CALD1: variants seen among roughly 807,000 people sequenced by gnomAD.
CALD1 encodes the protein caldesmon.
Under a neutral mutation model 99.9 loss-of-function variants are expected in CALD1, and 33 were observed. The ratio of observed to expected loss-of-function variants is 0.33; its 90% CI spans 0.25 to 0.44. The LOEUF is 0.44. CALD1 is among the 20% of genes least tolerant of loss of function. CALD1 has a pLI of 1.00. For missense variants in CALD1, 861 were observed against 962.1 expected, an observed-to-expected ratio of 0.89 and a Z score of 1.39; for synonymous variants, 310 against 325.0, an observed-to-expected ratio of 0.95 and a Z score of 0.50.
At chr7:134,760,533 C>T (rs1234748913) in intron 1 of CALD1, among the ~76,000 whole-genome samples, 1 of 152,152 alleles carries the variant, frequency 6.6e-6, no homozygotes, top group Non-Finnish European at 1.5e-5. Context: ...ATTACAGTAT[C>T]TCTCTTGAGT....
intron 3 of CALD1, chr7:134,891,780 G>C: frequency 1.2e-6 from 1 of 803,460 alleles, no homozygotes; most frequent in Non-Finnish European, 1.9e-6. Flanking sequence ...GTGGGAGTGG[G>C]AGGGGAGAGG....
chr7:134,735,562 C>CTT, the CALD1 span, among the ~76,000 whole-genome samples: 11 of 140,000 alleles, frequency 7.9e-5, no homozygotes, highest in African/African-American at 3.1e-4. Context: ...TCCCCACTAC[C>CTT]CTCTGTGTGT....
chr7:134,888,124 T>C (rs749548651), intron 3 of CALD1, among the ~76,000 whole-genome samples: 3 of 152,236 alleles, frequency 2.0e-5, no homozygotes, highest in Non-Finnish European at 2.9e-5. Context: ...TCCTTTCTAT[T>C]ACAGTCTGAC....
intron 6 of CALD1, among the ~76,000 whole-genome samples, chr7:134,940,823 T>C (rs1246206551): frequency 1.3e-5 from 2 of 152,188 alleles, no homozygotes; most frequent in African/African-American, 2.4e-5. Context: ...CAAACAATAG[T>C]ACTACCACTG....
chr7:134,878,957 A>G (rs894711525), intron 3 of CALD1, among the ~76,000 whole-genome samples: 6 of 152,128 alleles, frequency 3.9e-5, no homozygotes, highest in Non-Finnish European at 5.9e-5. Flanking sequence ...CCTGGACAAC[A>G]GAGGGAGACC....
At chr7:134,850,829 G>C (rs1295024983) in intron 2 of CALD1, among the ~76,000 whole-genome samples, 1 of 152,146 alleles carries the variant, frequency 6.6e-6, no homozygotes, top group Non-Finnish European at 1.5e-5. Flanking sequence ...GGGACCAGGT[G>C]GGAAGTAATT....
At chr7:134,847,605 AG>A (rs1204688422) in intron 2 of CALD1, among the ~76,000 whole-genome samples, 6 of 152,186 alleles carry the variant, frequency 3.9e-5, no homozygotes, top group Non-Finnish European at 5.9e-5. Flanking sequence ...AAACCTCCAT[AG>A]TAAAGAGGGT....
At chr7:134,774,453 C>G (rs529117006) in intron 1 of CALD1, among the ~76,000 whole-genome samples, 1 of 152,276 alleles carries the variant, frequency 6.6e-6, no homozygotes, top group Non-Finnish European at 1.5e-5. Flanking sequence ...CAGCCTCTTC[C>G]CTGTTCACTG....
At chr7:134,832,956 T>C (rs1799290278) in intron 1 of CALD1, among the ~76,000 whole-genome samples, 1 of 152,228 alleles carries the variant, frequency 6.6e-6, no homozygotes, top group African/African-American at 2.4e-5. Context: ...GTGCCAGATA[T>C]ATAAGAATTA....
chr7:134,904,289 A>C (rs184173226), intron 3 of CALD1, among the ~76,000 whole-genome samples: 265 of 152,162 alleles, frequency 1.7e-3, no homozygotes, highest in Non-Finnish European at 2.9e-3. Flanking sequence ...ATACATTTAA[A>C]ATGCCAGCTG....
chr7:134,726,264 T>A, the CALD1 span, among the ~76,000 whole-genome samples: 8 of 149,582 alleles, frequency 5.3e-5, no homozygotes, highest in Non-Finnish European at 1.0e-4. Flanking sequence ...ACTCAGATAA[T>A]ACAATTAGCA....
chr7:134,737,513 T>G, the CALD1 span, among the ~76,000 whole-genome samples: 1 of 152,334 alleles, frequency 6.6e-6, no homozygotes, highest in African/African-American at 2.4e-5. Context: ...TGCCTTTTTT[T>G]GGTCATGGTA....
At chr7:134,965,852 AT>A (rs879762062) in intron 14 of CALD1, among the ~76,000 whole-genome samples, 37,294 of 149,220 alleles carry the variant, frequency 0.25, 4,516 homozygotes, top group Non-Finnish European at 0.29. Context: ...AAAAAAAAAA[AT>A]ATTCAAAAGT....
At chr7:134,735,553 C>T in the CALD1 span, among the ~76,000 whole-genome samples, 66 of 147,998 alleles carry the variant, frequency 4.5e-4, no homozygotes, top group African/African-American at 1.6e-3. Context: ...TTCTTTCCCT[C>T]CCCACTACCC....
intron 2 of CALD1, among the ~76,000 whole-genome samples, chr7:134,846,353 G>C (rs1799852743): frequency 6.6e-6 from 1 of 152,146 alleles, no homozygotes; most frequent in South Asian, 2.1e-4. Flanking sequence ...CCCAGAATAA[G>C]CTTTGGCAGT....
intron 3 of CALD1, among the ~76,000 whole-genome samples, chr7:134,919,635 A>G (rs1466055471): frequency 6.6e-6 from 1 of 152,134 alleles, no homozygotes; most frequent in Non-Finnish European, 1.5e-5. Flanking sequence ...GTATGGGGAG[A>G]TGGGGTGGGA....
chr7:134,931,041 T>A (rs556948528), intron 4 of CALD1, among the ~76,000 whole-genome samples: 1 of 152,220 alleles, frequency 6.6e-6, no homozygotes, highest in Non-Finnish European at 1.5e-5. Flanking sequence ...GTGCTTCTCT[T>A]CGGATATTTG....
At position 134,922,635 on chromosome 7, in the gene CALD1, T is replaced by G. The variant is rs566168027; in HGVS notation, c.72-6119T>G. ...ACACTGGGGCAAGAGGAAAACTCGT[T>G]CCTTGCTCCAGTGTCTTGCTACGGA... On this transcript the variant is annotated intron_variant, in intron 3 of 14. Transcript: ENST00000361675. Among the ~76,000 whole-genome samples the G allele has an allele frequency of 2.1e-4, 32 of 152,350 alleles. No individual in the cohort carries two copies. The South Asian group carries it at 3.9e-3, about 19-fold the overall frequency.
At chr7:134,799,175 C>CGATGAGGAA (rs1185150835) in intron 1 of CALD1, among the ~76,000 whole-genome samples, 1 of 152,098 alleles carries the variant, frequency 6.6e-6, no homozygotes, top group Non-Finnish European at 1.5e-5. Flanking sequence ...AAATATATCA[C>CGATGAGGAA]GATGAGGAAA....
Sources: allele counts gnomAD v4.1 joint callset (sites outside exome capture counted in the v4.1 genomes callset), GRCh38; gene constraint gnomAD v4.1.1; transcripts MANE v1.5; gene names NCBI Gene and HGNC (gene_info 2026-07-23, HGNC 2026-07-21).